RBM47: variants seen among roughly 807,000 people sequenced by gnomAD.
RBM47 encodes the protein RNA-binding protein 47.
Under a neutral mutation model 47.1 loss-of-function variants are expected in RBM47, and 21 were observed. The observed-to-expected ratio is 0.45, with a 90% CI of 0.32 to 0.64. The LOEUF (loss-of-function observed/expected upper bound fraction) is 0.64. Ranked by LOEUF, RBM47 falls within the 30% of genes least tolerant of loss-of-function variation. The pLI, the probability that RBM47 is intolerant of heterozygous loss-of-function variation, is 0.05. For missense variants in RBM47, 708 were observed against 870.9 expected (o/e 0.81, Z 2.35); for synonymous variants, 375 against 361.7 (o/e 1.04, Z -0.42).
chr4:40,506,309 T>A (rs1724092218), intron 2 of RBM47, among the ~76,000 whole-genome samples: 1 of 152,198 alleles, frequency 6.6e-6, no homozygotes, highest in Non-Finnish European at 1.5e-5. Flanking sequence ...ATGTTCAATG[T>A]CTTGAATTCA....
chr4:40,466,128 TGTG>T (rs1717971062), intron 3 of RBM47, among the ~76,000 whole-genome samples: 1 of 150,838 alleles, frequency 6.6e-6, no homozygotes, highest in Admixed American at 6.6e-5. Flanking sequence ...ATCAGCCAGA[TGTG>T]GTGGTACACA....
In RBM47 at chr4:40,425,675, C is replaced by A. The variant is rs1049034353; in HGVS notation, c.*229G>T. On this transcript the variant is annotated 3_prime_UTR_variant, in exon 7 of 7. Coordinates refer to ENST00000295971, the MANE Select transcript of RBM47 (RefSeq NM_001098634.2). The stretch of plus-strand genomic sequence containing the variant: ...ATTTTTAAAAGATGGAATGAAGGCA[C>A]GAACCATTGCAAGTCTTTTGGAAAT... 5.6e-6 allele frequency: 3 copies of A among 534,478 alleles called. No homozygotes were observed. Among genetic ancestry groups the A allele is most frequent in the Non-Finnish European group, 9.5e-6 (3 of 317,182 alleles). The allele number at this position is 534,478 out of a possible 1,614,324, so 33.1% of individuals were successfully genotyped here. A position where few individuals can be genotyped will look rare whatever the true frequency, so the allele number is the denominator to read the frequency against.
chr4:40,560,704 T>C (rs988032155), intron 1 of RBM47, among the ~76,000 whole-genome samples: 2 of 152,170 alleles, frequency 1.3e-5, no homozygotes, highest in Admixed American at 6.5e-5. Flanking sequence ...TGGTGGCTCA[T>C]GCCTGTAATC....
intron 2 of RBM47, among the ~76,000 whole-genome samples, chr4:40,529,059 T>C (rs969936659): frequency 6.6e-6 from 1 of 152,158 alleles, no homozygotes; most frequent in Non-Finnish European, 1.5e-5. Flanking sequence ...GTATCTTTGC[T>C]GCTATCAGGA....
intron 2 of RBM47, among the ~76,000 whole-genome samples, chr4:40,486,955 G>A (rs115408085): frequency 0.022 from 3,369 of 152,254 alleles, 62 homozygotes; most frequent in African/African-American, 0.053. Context: ...TATAGTTGTT[G>A]TCTAGACACT....
At chr4:40,448,293 GTGTT>G (rs769122876) in intron 3 of RBM47, among the ~76,000 whole-genome samples, 5 of 150,136 alleles carry the variant, frequency 3.3e-5, no homozygotes, top group Admixed American at 1.3e-4. Flanking sequence ...GTGAGTGTGT[GTGTT>G]TGAGTGTGTG....
At chr4:40,601,139 A>G (rs912098187) in intron 1 of RBM47, among the ~76,000 whole-genome samples, 1 of 152,152 alleles carries the variant, frequency 6.6e-6, no homozygotes, top group Non-Finnish European at 1.5e-5. Context: ...ATAGCAACTG[A>G]ACCCTCCAAA....
intron 2 of RBM47, among the ~76,000 whole-genome samples, chr4:40,511,608 A>G (rs1724936790): frequency 6.6e-6 from 1 of 152,228 alleles, no homozygotes; most frequent in African/African-American, 2.4e-5. Flanking sequence ...AACCCCTAAC[A>G]GGAGGATCCA....
chr4:40,606,279 T>C lies in RBM47; in HGVS notation c.-240+23117A>G, dbSNP rs563296152. On this transcript the variant is annotated intron_variant, in intron 1 of 6. Transcript: ENST00000295971. ...TAGGTGATATATAGATATGGGGAAA[T>C]TGAAAAGGTAGTAGGGAAATGATTG... 1.4e-4 allele frequency among the ~76,000 whole-genome samples: 21 copies of C among 146,030 alleles called. No individual in the cohort carries two copies. In the East Asian group the frequency reaches 2.8e-3, roughly 20 times the overall value.
intron 2 of RBM47, among the ~76,000 whole-genome samples, chr4:40,484,442 C>T (rs1720818853): frequency 1.3e-5 from 2 of 152,082 alleles, no homozygotes; most frequent in Non-Finnish European, 1.5e-5. Flanking sequence ...CCCACCCCCA[C>T]CCATTGGGTT....
At chr4:40,577,384 A>G (rs1236269439) in intron 1 of RBM47, among the ~76,000 whole-genome samples, 1 of 152,174 alleles carries the variant, frequency 6.6e-6, no homozygotes, top group African/African-American at 2.4e-5. Flanking sequence ...CCTCAGCAAC[A>G]GCTTGTTTGC....
intron 4 of RBM47, chr4:40,437,011 G>A (rs1230936238): frequency 1.5e-5 from 5 of 342,956 alleles, no homozygotes; most frequent in East Asian, 7.9e-5. Context: ...AGGCTGAGGC[G>A]AGAGGATGGC....
chr4:40,587,061 T>C (rs914919396), intron 1 of RBM47, among the ~76,000 whole-genome samples: 8 of 152,008 alleles, frequency 5.3e-5, no homozygotes, highest in African/African-American at 1.9e-4. Flanking sequence ...AACACTCAAA[T>C]GTGTGATACA....
chr4:40,557,600 T>C (rs890523244), intron 1 of RBM47, among the ~76,000 whole-genome samples: 1 of 152,028 alleles, frequency 6.6e-6, no homozygotes, highest in East Asian at 1.9e-4. Flanking sequence ...AATCCAAAAA[T>C]TAGCTGGGCA....
chr4:40,484,128 A>AT (rs1720780179), intron 2 of RBM47, among the ~76,000 whole-genome samples: 1 of 152,264 alleles, frequency 6.6e-6, no homozygotes, highest in South Asian at 2.1e-4. Flanking sequence ...AGAAAACTTT[A>AT]TGTAGGGTAC....
chr4:40,611,057 T>C (rs891518172), intron 1 of RBM47, among the ~76,000 whole-genome samples: 2 of 152,184 alleles, frequency 1.3e-5, no homozygotes, highest in African/African-American at 4.8e-5. Context: ...CTTATCTTTA[T>C]GAGGAGTCCC....
At chr4:40,527,345 G>A (rs1726833579) in intron 2 of RBM47, among the ~76,000 whole-genome samples, 1 of 150,982 alleles carries the variant, frequency 6.6e-6, no homozygotes, top group South Asian at 2.1e-4. Flanking sequence ...GGAGTGCAGT[G>A]GTGTGATCTC....
intron 2 of RBM47, among the ~76,000 whole-genome samples, chr4:40,491,088 G>A (rs866615605): frequency 4.1e-4 from 63 of 152,246 alleles, no homozygotes; most frequent in Middle Eastern, 6.8e-3. Flanking sequence ...CATAAGGTGC[G>A]GGGAGGGTGG....
At chr4:40,448,240 C>G (rs1045468121) in intron 3 of RBM47, among the ~76,000 whole-genome samples, 5 of 151,712 alleles carry the variant, frequency 3.3e-5, no homozygotes, top group Non-Finnish European at 7.4e-5. Context: ...AACTTTGGTT[C>G]ACAGCTCTTG....
Sources: allele counts gnomAD v4.1 joint callset (sites outside exome capture counted in the v4.1 genomes callset), GRCh38; gene constraint gnomAD v4.1.1; transcripts MANE v1.5; gene names NCBI Gene and HGNC (gene_info 2026-07-23, HGNC 2026-07-21).